The following TENM3 variants were observed in gnomAD, a reference collection of about 807,000 sequenced individuals.
The protein encoded by TENM3 is teneurin transmembrane protein 3.
Under a neutral mutation model 255.1 loss-of-function variants are expected in TENM3, and 63 were observed. The ratio of observed to expected loss-of-function variants is 0.25; its 90% CI spans 0.20 to 0.30. The LOEUF (loss-of-function observed/expected upper bound fraction) is 0.30. Among genes scored for constraint, TENM3 ranks in the 10% least tolerant of loss-of-function variants. The pLI is 1.00. For synonymous variants in TENM3, 1,306 were observed against 1,322.3 expected (o/e 0.99, Z 0.27); for missense variants, 2,929 against 3,461.1 (o/e 0.85, Z 3.86).
the TENM3 span, among the ~76,000 whole-genome samples, chr4:181,547,819 T>TA: frequency 9.2e-5 from 14 of 152,204 alleles, no homozygotes; most frequent in Non-Finnish European, 1.9e-4. Flanking sequence ...TTCTTTTTTT[T>TA]ATTATACTTT....
the TENM3 span, among the ~76,000 whole-genome samples, chr4:181,784,010 GATTTT>G: frequency 6.6e-6 from 1 of 152,130 alleles, no homozygotes; most frequent in Admixed American, 6.6e-5. Flanking sequence ...TCTGAAGGGT[GATTTT>G]ACGTACTATG....
At chr4:182,261,304 A>AT (rs1297907612) in intron 1 of TENM3, among the ~76,000 whole-genome samples, 2 of 152,204 alleles carry the variant, frequency 1.3e-5, no homozygotes, top group South Asian at 4.1e-4. Context: ...AAGGCTGAGT[A>AT]TTTTTAAAAC....
At chr4:182,301,574 C>T (rs986719901) in intron 1 of TENM3, among the ~76,000 whole-genome samples, 8 of 152,094 alleles carry the variant, frequency 5.3e-5, no homozygotes, top group African/African-American at 1.9e-4. Flanking sequence ...AAGAAATGCA[C>T]ATTTAAGAGC....
chr4:182,311,241 T>G (rs1478207719), intron 1 of TENM3, among the ~76,000 whole-genome samples: 1 of 152,246 alleles, frequency 6.6e-6, no homozygotes, highest in East Asian at 1.9e-4. Flanking sequence ...GTCTTACATT[T>G]TACACCTTTC....
In TENM3 at chr4:182,574,381, G is replaced by T. The variant is rs575546766; in HGVS notation, c.512-26543G>T. Among the ~76,000 whole-genome samples, 249 of 152,100 alleles carry T rather than the reference G, an allele frequency of 1.6e-3. 2 individuals carry two copies. The highest frequency in any genetic ancestry group is 2.3e-3 in the Non-Finnish European group (159 of 67,958). On this transcript the variant is annotated intron_variant, in intron 3 of 27. Coordinates refer to ENST00000511685, the MANE Select transcript of TENM3 (RefSeq NM_001080477.4). Reference sequence around the variant, plus strand: ...AGGAAGGGCTTACTTATGGATTGCTGTCATTTGGTATGCATTACTTCATGC... The same window carrying T: ...AGGAAGGGCTTACTTATGGATTGCTTTCATTTGGTATGCATTACTTCATGC...
the TENM3 span, among the ~76,000 whole-genome samples, chr4:181,599,693 T>C: frequency 6.6e-6 from 1 of 152,316 alleles, no homozygotes; most frequent in South Asian, 2.1e-4. Flanking sequence ...TAAGATCAGA[T>C]TTAGGAGTGA....
At chr4:182,024,078 A>G in the TENM3 span, among the ~76,000 whole-genome samples, 3 of 152,096 alleles carry the variant, frequency 2.0e-5, no homozygotes, top group Non-Finnish European at 4.4e-5. Flanking sequence ...AACAATGAAG[A>G]AAAATATTGA....
At chr4:182,195,949 G>A (rs1753810433) in intron 1 of TENM3, among the ~76,000 whole-genome samples, 1 of 152,148 alleles carries the variant, frequency 6.6e-6, no homozygotes, top group Non-Finnish European at 1.5e-5. Flanking sequence ...CAAGCAGCTT[G>A]TAGGTTTGAA....
chr4:181,715,448 C>T, the TENM3 span, among the ~76,000 whole-genome samples: 1 of 152,136 alleles, frequency 6.6e-6, no homozygotes, highest in African/African-American at 2.4e-5. Context: ...TATGTAAATA[C>T]TTAACTTCCT....
intron 1 of TENM3, among the ~76,000 whole-genome samples, chr4:182,167,779 G>A (rs1174876314): frequency 6.6e-6 from 1 of 152,130 alleles, no homozygotes; most frequent in Non-Finnish European, 1.5e-5. Flanking sequence ...GGGAGGCTGA[G>A]GAGTCTGAGG....
chr4:182,519,076 A>G (rs1037915876), intron 3 of TENM3, among the ~76,000 whole-genome samples: 3 of 152,146 alleles, frequency 2.0e-5, no homozygotes, highest in Non-Finnish European at 2.9e-5. Flanking sequence ...CCAGTAGCCA[A>G]TGTAGCCATC....
chr4:182,790,707 G>A (rs1179599700), intron 25 of TENM3, among the ~76,000 whole-genome samples: 1 of 152,174 alleles, frequency 6.6e-6, no homozygotes, highest in African/African-American at 2.4e-5. Flanking sequence ...TTTCTAAGTG[G>A]GAGAGGATCA....
intron 1 of TENM3, among the ~76,000 whole-genome samples, chr4:182,198,657 A>C (rs1219644032): frequency 6.6e-6 from 1 of 152,248 alleles, no homozygotes; most frequent in Non-Finnish European, 1.5e-5. Context: ...AAATAGGTGC[A>C]GGCGACCATT....
At chr4:181,827,376 G>C in the TENM3 span, among the ~76,000 whole-genome samples, 2 of 152,270 alleles carry the variant, frequency 1.3e-5, no homozygotes, top group African/African-American at 4.8e-5. Flanking sequence ...GTTCACCTCT[G>C]TTCTTATCTG....
chr4:182,780,239 G>A (rs1270417681), intron 24 of TENM3, among the ~76,000 whole-genome samples: 1 of 148,192 alleles, frequency 6.7e-6, no homozygotes, highest in Non-Finnish European at 1.5e-5. Context: ...TGTATAAGGT[G>A]TAAGGAAGGG....
At chr4:182,226,316 A>G (rs1202434682) in intron 1 of TENM3, among the ~76,000 whole-genome samples, 6 of 152,160 alleles carry the variant, frequency 3.9e-5, no homozygotes, top group African/African-American at 1.4e-4. Flanking sequence ...TAGCCCTTGA[A>G]GCAGACAGGA....
intron 3 of TENM3, among the ~76,000 whole-genome samples, chr4:182,393,222 A>G (rs1323780935): frequency 6.6e-6 from 1 of 152,226 alleles, no homozygotes; most frequent in Non-Finnish European, 1.5e-5. Flanking sequence ...AGTCATTAGG[A>G]AAAACAGTGT....
At chr4:182,411,363 T>C (rs1052954801) in intron 3 of TENM3, among the ~76,000 whole-genome samples, 42 of 152,232 alleles carry the variant, frequency 2.8e-4, no homozygotes, top group Non-Finnish European at 5.0e-4. Flanking sequence ...CAGCTGATTG[T>C]TGCATTAAAT....
At chr4:181,682,585 A>C in the TENM3 span, among the ~76,000 whole-genome samples, 1 of 152,208 alleles carries the variant, frequency 6.6e-6, no homozygotes, top group Non-Finnish European at 1.5e-5. Context: ...CAAGATGGGA[A>C]GAGAAAAAAT....
Sources: gnomAD v4.1 joint callset for allele counts (sites outside exome capture counted in the v4.1 genomes callset) on GRCh38, gnomAD v4.1.1 for gene constraint, MANE v1.5 for transcripts, NCBI Gene and HGNC (gene_info 2026-07-23, HGNC 2026-07-21) for gene names.